Variants in ZRANB3 observed in about 807,000 individuals in gnomAD.
ZRANB3 encodes the protein DNA annealing helicase and endonuclease ZRANB3.
A neutral mutation model predicts 133.8 loss-of-function variants in ZRANB3; 125 were observed. That is an observed-to-expected ratio of 0.93 (90% CI 0.81 to 1.08). The LOEUF (loss-of-function observed/expected upper bound fraction) is 1.08, where lower values mean the gene tolerates loss of function less well. Ranked by LOEUF, ZRANB3 falls within the 50% of genes least tolerant of loss-of-function variation. The probability of loss-of-function intolerance (pLI) is 0.00; values close to 1 mark genes in which losing one functional copy is unlikely to be tolerated. For missense variants in ZRANB3, 1,229 were observed against 1,275.5 expected (o/e 0.96, Z 0.56); for synonymous variants, 387 against 432.7 (o/e 0.89, Z 1.31).
intron 1 of ZRANB3, chr2:135,511,342 C>G: frequency 1.2e-6 from 1 of 847,454 alleles, no homozygotes; most frequent in Non-Finnish European, 2.1e-6. Flanking sequence ...TGTTCTGGTT[C>G]TGGCTCAGGA....
chr2:135,370,382 G>T (rs772166628), intron 3 of ZRANB3, among the ~76,000 whole-genome samples: 5 of 151,866 alleles, frequency 3.3e-5, no homozygotes, highest in African/African-American at 1.2e-4. Flanking sequence ...TTATGCCACT[G>T]CATCCTCATA....
chr2:135,404,602 G>T (rs1322166551), intron 2 of ZRANB3, among the ~76,000 whole-genome samples: 2 of 152,094 alleles, frequency 1.3e-5, no homozygotes, highest in Non-Finnish European at 2.9e-5. Context: ...TACAGAGAAT[G>T]CTACAAAGAT....
intron 8 of ZRANB3, among the ~76,000 whole-genome samples, chr2:135,281,128 G>A (rs538258987): frequency 6.6e-6 from 1 of 152,234 alleles, no homozygotes; most frequent in Admixed American, 6.5e-5. Context: ...TTGGAATTGA[G>A]CTCAACCTCT....
At chr2:135,332,797 A>G (rs1271351560) in intron 6 of ZRANB3, among the ~76,000 whole-genome samples, 1 of 151,540 alleles carries the variant, frequency 6.6e-6, no homozygotes, top group Non-Finnish European at 1.5e-5. Flanking sequence ...CAGTCAACTG[A>G]CTCCTCTAAT....
intron 2 of ZRANB3, among the ~76,000 whole-genome samples, chr2:135,493,814 T>C (rs1692527183): frequency 6.6e-6 from 1 of 152,158 alleles, no homozygotes. Context: ...GATGGACTCA[T>C]CTAAGAATGT....
At chr2:135,463,551 G>T (rs1254583080) in intron 2 of ZRANB3, among the ~76,000 whole-genome samples, 2 of 151,862 alleles carry the variant, frequency 1.3e-5, no homozygotes, top group African/African-American at 2.4e-5. Flanking sequence ...CTGAATAGCT[G>T]GGATTCCAGG....
intron 1 of ZRANB3, among the ~76,000 whole-genome samples, chr2:135,527,356 C>T (rs940171849): frequency 1.5e-4 from 23 of 152,026 alleles, no homozygotes; most frequent in African/African-American, 5.3e-4. Flanking sequence ...GTCAGGAGTT[C>T]GAGACCAGCC....
intron 3 of ZRANB3, among the ~76,000 whole-genome samples, chr2:135,384,321 A>C (rs1333302203): frequency 6.6e-6 from 1 of 152,232 alleles, no homozygotes; most frequent in Non-Finnish European, 1.5e-5. Flanking sequence ...GAATAGACCA[A>C]TAACAGGCTC....
At chr2:135,423,411 C>CA (rs1688944593) in intron 2 of ZRANB3, among the ~76,000 whole-genome samples, 1 of 152,032 alleles carries the variant, frequency 6.6e-6, no homozygotes. Context: ...AGCCTGGCGA[C>CA]AAAGTGAGAC....
intron 2 of ZRANB3, among the ~76,000 whole-genome samples, chr2:135,473,257 C>G (rs1430269602): frequency 6.6e-6 from 1 of 152,032 alleles, no homozygotes; most frequent in South Asian, 2.1e-4. Context: ...TAATATTTGT[C>G]CTTCAGTTAT....
chr2:135,342,799 A>C (rs1345371694), intron 6 of ZRANB3, among the ~76,000 whole-genome samples: 1 of 149,026 alleles, frequency 6.7e-6, no homozygotes, highest in Non-Finnish European at 1.5e-5. Context: ...ACCCATAAAC[A>C]TATATACACT....
intron 8 of ZRANB3, among the ~76,000 whole-genome samples, chr2:135,300,880 A>G (rs1682393042): frequency 6.6e-6 from 1 of 152,228 alleles, no homozygotes; most frequent in Non-Finnish European, 1.5e-5. Flanking sequence ...AAATCTGATT[A>G]TTGTACTCCA....
At chr2:135,381,424 G>T (rs1686693835) in intron 3 of ZRANB3, among the ~76,000 whole-genome samples, 1 of 152,216 alleles carries the variant, frequency 6.6e-6, no homozygotes, top group African/African-American at 2.4e-5. Flanking sequence ...ACCTCTGTGG[G>T]CACTGCATAG....
chr2:135,325,640 C>A (rs1683777497), intron 6 of ZRANB3, among the ~76,000 whole-genome samples: 1 of 152,122 alleles, frequency 6.6e-6, no homozygotes, highest in Admixed American at 6.6e-5. Flanking sequence ...CATGATTCAC[C>A]CACCTCAGCC....
intron 6 of ZRANB3, among the ~76,000 whole-genome samples, chr2:135,344,800 G>C (rs1684844239): frequency 6.6e-6 from 1 of 152,052 alleles, no homozygotes; most frequent in Non-Finnish European, 1.5e-5. Flanking sequence ...AACTGATATG[G>C]AAAGATCTAC....
chr2:135,434,555 A>AC (rs1333161737), intron 2 of ZRANB3, among the ~76,000 whole-genome samples: 5 of 152,228 alleles, frequency 3.3e-5, no homozygotes, highest in Non-Finnish European at 7.3e-5. Flanking sequence ...AAAGGAACAT[A>AC]GTTTCTCTTA....
intron 1 of ZRANB3, among the ~76,000 whole-genome samples, chr2:135,520,608 G>A (rs554538217): frequency 8.6e-4 from 130 of 151,098 alleles, no homozygotes; most frequent in African/African-American, 2.7e-3. Flanking sequence ...TTTTTGAGAC[G>A]GAGTCTTGCT....
At position 135,207,840 on chromosome 2, in the gene ZRANB3, C is replaced by T. The variant is rs1256591994; in HGVS notation, c.2607-4G>A. ...GGCTCCATCTTCAAGAAGTTTTCTA[C>T]AATTGATAAAAACACTGAATAGGTA... On this transcript the variant is annotated splice_region_variant and splice_polypyrimidine_tract_variant and intron_variant, in intron 18 of 20. Coordinates refer to ENST00000264159, the MANE Select transcript of ZRANB3 (RefSeq NM_032143.4). The T allele has an allele frequency of 5.0e-6, 8 of 1,586,138 alleles. No individual in the cohort carries two copies. The South Asian group carries it at 7.8e-5, about 16-fold the overall frequency.
intron 3 of ZRANB3, among the ~76,000 whole-genome samples, chr2:135,379,495 G>A (rs1046229388): frequency 2.6e-5 from 4 of 152,160 alleles, no homozygotes; most frequent in East Asian, 1.9e-4. Context: ...ATCAGGTCCC[G>A]GCATCTTCTA....
Sources: allele counts gnomAD v4.1 joint callset (sites outside exome capture counted in the v4.1 genomes callset), GRCh38; gene constraint gnomAD v4.1.1; transcripts MANE v1.5; gene names NCBI Gene and HGNC (gene_info 2026-07-23, HGNC 2026-07-21).